The following AXDND1 variants were observed in gnomAD, a reference collection of about 807,000 sequenced individuals.
AXDND1 encodes the protein axonemal dynein light chain domain-containing protein 1.
A neutral mutation model predicts 137.5 loss-of-function variants in AXDND1; 110 were observed. The ratio of observed to expected loss-of-function variants is 0.80; its 90% CI spans 0.69 to 0.94. The LOEUF (loss-of-function observed/expected upper bound fraction) is 0.94, where lower values mean the gene tolerates loss of function less well. Among genes scored for constraint, AXDND1 ranks in the 40% least tolerant of loss-of-function variants. AXDND1 has a pLI of 0.00. For missense variants in AXDND1, 1,191 were observed against 1,169.8 expected (o/e 1.02, Z -0.26); for synonymous variants, 414 against 399.7 (o/e 1.04, Z -0.43).
chr1:179,495,339 A>G (rs1667335268), intron 20 of AXDND1, among the ~76,000 whole-genome samples: 1 of 152,038 alleles, frequency 6.6e-6, no homozygotes, highest in Admixed American at 6.6e-5. Context: ...CTATCTCTTC[A>G]TTTGTTTGTC....
intron 25 of AXDND1, among the ~76,000 whole-genome samples, chr1:179,542,949 C>T (rs953928433): frequency 2.6e-5 from 4 of 152,172 alleles, no homozygotes; most frequent in Non-Finnish European, 4.4e-5. Flanking sequence ...ACGGCAGTCC[C>T]TGTGCCCTGC....
intron 12 of AXDND1, among the ~76,000 whole-genome samples, chr1:179,421,904 G>T (rs1329772654): frequency 6.6e-6 from 1 of 151,876 alleles, no homozygotes; most frequent in Non-Finnish European, 1.5e-5. Flanking sequence ...GCCAGGCATG[G>T]TGGCAGGCGC....
At chr1:179,455,095 CA>C (rs60418416) in intron 16 of AXDND1, 86,285 of 125,878 alleles carry the variant, frequency 0.69, 28,826 homozygotes, top group South Asian at 0.8. Context: ...GACTCCGTCT[CA>C]AAAAAAAAAA....
intron 9 of AXDND1, among the ~76,000 whole-genome samples, chr1:179,390,263 C>T (rs1649942120): frequency 6.6e-6 from 1 of 152,132 alleles, no homozygotes; most frequent in African/African-American, 2.4e-5. Flanking sequence ...ATCTACCTGC[C>T]TCGGTCTCCC....
chr1:179,486,119 CAAAAA>C lies in AXDND1; in HGVS notation c.2091+2916_2091+2920del, dbSNP rs1173009992. Among the ~76,000 whole-genome samples the C allele has an allele frequency of 4.4e-4, 10 of 22,664 alleles. 1 individual carries two copies. The highest frequency in any genetic ancestry group is 1.2e-3 in the Admixed American group (2 of 1,662). The allele number at this position is 22,664 out of a possible 152,430, so 14.9% of individuals were successfully genotyped here. On this transcript the variant is annotated intron_variant, in intron 18 of 25. Transcript: ENST00000367618. ...GGGCAACAGGAGCAAAACTCTGTCT[CAAAAA>C]AAAAAAAAAAAAAAAAACCTGATAG...
intron 21 of AXDND1, among the ~76,000 whole-genome samples, chr1:179,516,014 TA>T (rs1327106077): frequency 6.6e-6 from 1 of 152,206 alleles, no homozygotes; most frequent in Admixed American, 6.5e-5. Context: ...AGCAAAAGGT[TA>T]TATCATATAG....
At chr1:179,465,069 T>C (rs1662934423) in intron 16 of AXDND1, among the ~76,000 whole-genome samples, 1 of 152,194 alleles carries the variant, frequency 6.6e-6, no homozygotes, top group South Asian at 2.1e-4. Flanking sequence ...AACATCCTCC[T>C]TTAGCTCAGA....
chr1:179,535,478 G>A (rs909877586), intron 25 of AXDND1, among the ~76,000 whole-genome samples: 1 of 151,784 alleles, frequency 6.6e-6, no homozygotes, highest in African/African-American at 2.4e-5. Flanking sequence ...GCGGTGTTTG[G>A]TTTTCTGTCC....
intron 25 of AXDND1, among the ~76,000 whole-genome samples, chr1:179,541,638 TATAATATATGC>T (rs964265016): frequency 3.3e-5 from 5 of 149,402 alleles, no homozygotes; most frequent in African/African-American, 7.3e-5. Context: ...TGCATATATT[TATAATATATGC>T]ATAATATATG....
chr1:179,467,434 AAC>A (rs1253978532), intron 16 of AXDND1, among the ~76,000 whole-genome samples: 1 of 152,224 alleles, frequency 6.6e-6, no homozygotes, highest in African/African-American at 2.4e-5. Context: ...TACAAATAAA[AAC>A]ACAATATAGT....
intron 12 of AXDND1, among the ~76,000 whole-genome samples, chr1:179,419,700 C>T (rs1655387507): frequency 6.7e-6 from 1 of 150,064 alleles, no homozygotes; most frequent in Non-Finnish European, 1.5e-5. Context: ...GGAGAGGGAG[C>T]ATTTATTGCT....
intron 15 of AXDND1, among the ~76,000 whole-genome samples, chr1:179,434,146 C>G (rs1387089744): frequency 6.6e-5 from 10 of 152,092 alleles, no homozygotes; most frequent in Admixed American, 6.6e-4. Context: ...GGTTTAAGGT[C>G]TATTTTGTCA....
chr1:179,434,383 G>A (rs1485420698), intron 15 of AXDND1, among the ~76,000 whole-genome samples: 1 of 151,994 alleles, frequency 6.6e-6, no homozygotes, highest in Non-Finnish European at 1.5e-5. Flanking sequence ...CCAAAACCTG[G>A]CAGAGACACA....
intron 21 of AXDND1, 108 bp from the exon 22 acceptor site, chr1:179,525,226 C>T: frequency 8.9e-7 from 1 of 1,119,122 alleles, no homozygotes; most frequent in Non-Finnish European, 1.2e-6. Context: ...GTATCCTTGT[C>T]ACTAGCACAG....
In AXDND1 at chr1:179,509,331, C is replaced by T; in HGVS notation, c.2424C>T (p.Cys808=). 1.2e-6 allele frequency: 2 copies of T among 1,612,548 alleles called. No individual in the cohort carries two copies. ...ATGAATGGATCAACACATGCTCTTG[C>T]CTCCTTTCTAATATCAAAGGCAGAA... ...ECYEWINTCS[C]LLSNIKGRKI... is the part of the protein sequence containing the mutation. Residue 808 remains cysteine, a synonymous_variant, in exon 21 of 26, where the codon TGC becomes TGT. Coordinates refer to ENST00000367618, the MANE Select transcript of AXDND1 (RefSeq NM_144696.6).
At chr1:179,509,148 T>C (rs1572122700) in intron 20 of AXDND1, 148 bp from the exon 21 acceptor site, 2 of 538,858 alleles carry the variant, frequency 3.7e-6, no homozygotes, top group Non-Finnish European at 6.5e-6. Flanking sequence ...TAATAGCCAG[T>C]CACCACTGCA....
chr1:179,379,779 A>G (rs938912839), intron 6 of AXDND1, among the ~76,000 whole-genome samples: 18 of 137,160 alleles, frequency 1.3e-4, no homozygotes, highest in Non-Finnish European at 9.4e-5. Context: ...CTGGGCAACA[A>G]GAGTGAAACT....
chr1:179,496,187 T>C (rs1359280165), intron 20 of AXDND1, among the ~76,000 whole-genome samples: 1 of 151,970 alleles, frequency 6.6e-6, no homozygotes, highest in Non-Finnish European at 1.5e-5. Flanking sequence ...TTGTAATATC[T>C]TTGTTTGGTT....
At chr1:179,378,604 T>G (rs1488836418) in intron 4 of AXDND1, 33 bp from the exon 5 acceptor site, 2 of 1,503,318 alleles carry the variant, frequency 1.3e-6, no homozygotes, top group African/African-American at 2.7e-5. Flanking sequence ...GATAGAAAAT[T>G]TGTTTTGTAA....
Sources: allele counts gnomAD v4.1 joint callset (sites outside exome capture counted in the v4.1 genomes callset), GRCh38; gene constraint gnomAD v4.1.1; transcripts MANE v1.5; gene names NCBI Gene and HGNC (gene_info 2026-07-23, HGNC 2026-07-21).